Variants in PPFIA3 observed in about 807,000 individuals in gnomAD.
The protein encoded by PPFIA3 is PPFI scaffold protein A3.
PPFIA3 carries 26 observed loss-of-function variants against 145.8 expected under a neutral mutation model. That is an observed-to-expected ratio of 0.18 (90% CI 0.13 to 0.25). The LOEUF (loss-of-function observed/expected upper bound fraction) is 0.25. PPFIA3 is among the 10% of genes least tolerant of loss of function. The probability of loss-of-function intolerance (pLI) is 1.00; values close to 1 mark genes in which losing one functional copy is unlikely to be tolerated. For synonymous variants in PPFIA3, 645 were observed against 661.4 expected (o/e 0.98, Z 0.38); for missense variants, 1,008 against 1,587.8 (o/e 0.63, Z 6.21).
At chr19:49,146,911 T>C (rs1972655) in intron 23 of PPFIA3, among the ~76,000 whole-genome samples, 53,354 of 151,726 alleles carry the variant, frequency 0.35, 10,714 homozygotes, top group East Asian at 0.76. Context: ...GCCTGGGTGA[T>C]AGAGCCAGAT....
At chr19:49,135,967 G>A (rs1302839066) in intron 14 of PPFIA3, 44 bp downstream of exon 14, 17 of 1,520,830 alleles carry the variant, frequency 1.1e-5, no homozygotes, top group East Asian at 4.8e-5. Flanking sequence ...GGGCTTGGGC[G>A]GGCAGCTGTA....
At chr19:49,140,359 T>C (rs2041204669) in intron 18 of PPFIA3, among the ~76,000 whole-genome samples, 1 of 152,090 alleles carries the variant, frequency 6.6e-6, no homozygotes, top group Non-Finnish European at 1.5e-5. Flanking sequence ...TTTGTTGTTG[T>C]TGTTTTGAGA....
chr19:49,135,726 CTG>C, intron 13 of PPFIA3, 51 bp from the exon 14 acceptor site: 1 of 1,545,326 alleles, frequency 6.5e-7, no homozygotes, highest in Admixed American at 1.8e-5. Context: ...ACCCTTACCT[CTG>C]TGCTCTTTTC....
chr19:49,144,149 T>G (rs1327529076), intron 21 of PPFIA3, among the ~76,000 whole-genome samples: 1 of 151,976 alleles, frequency 6.6e-6, no homozygotes, highest in Non-Finnish European at 1.5e-5. Flanking sequence ...TAGCTGGGAT[T>G]ATAGGCGCCC....
chr19:49,134,259 T>C lies in PPFIA3; in HGVS notation c.1377+94T>C, dbSNP rs982105877. 3.4e-5 allele frequency: 51 copies of C among 1,485,804 alleles called. No individual in the cohort carries two copies. The African/African-American group carries it at 6.9e-4, about 20-fold the overall frequency. 92.0% of individuals were successfully genotyped at this position (1,485,804 alleles called of 1,614,324 possible). On this transcript the variant is annotated intron_variant, in intron 11 of 29. Coordinates refer to ENST00000334186, the MANE Select transcript of PPFIA3 (RefSeq NM_003660.4). Reference sequence around the variant, plus strand: ...CCAGGCCTTTCCCTCAGATCTGTTATCGGAGGCCTCCCTAAACCCCGGCAT... The same window carrying C: ...CCAGGCCTTTCCCTCAGATCTGTTACCGGAGGCCTCCCTAAACCCCGGCAT...
In PPFIA3 at chr19:49,128,889, G is replaced by A. The variant is rs775803129; in HGVS notation, c.384G>A (p.Glu128=). The change falls in exon 4 of 30, where the codon GAG becomes GAA. Residue 128 remains glutamate (E), a synonymous_variant. Transcript: ENST00000334186. The surrounding 1 kb of genome is among the most constrained non-coding windows in gnomAD (Gnocchi z 4.1). ...EHLECLVSRH[E]RSLRMTVVKR... ...TGGAGTGCCTGGTGTCCAGGCACGAGAGGTCACTGCGCATGACCGTGGTGA... is the reference window on the plus strand; with the variant it reads ...TGGAGTGCCTGGTGTCCAGGCACGAAAGGTCACTGCGCATGACCGTGGTGA... 1.9e-6 allele frequency: 3 copies of A among 1,612,996 alleles called. No individual in the cohort carries two copies. In the African/African-American group the frequency reaches 4.0e-5, roughly 22 times the overall value.
At chr19:49,143,646 T>C (rs1254220814) in intron 21 of PPFIA3, among the ~76,000 whole-genome samples, 2 of 152,202 alleles carry the variant, frequency 1.3e-5, no homozygotes, top group East Asian at 3.8e-4. Flanking sequence ...GTGTTGAGAT[T>C]ACAGGCGTGA....
At chr19:49,126,033 C>T (rs891899347) in intron 1 of PPFIA3, among the ~76,000 whole-genome samples, 1 of 152,142 alleles carries the variant, frequency 6.6e-6, no homozygotes, top group Admixed American at 6.5e-5. Flanking sequence ...TCACCGCAAC[C>T]TCTGCCTCCC....
rs35298280 is a variant in PPFIA3 at position 49,128,973 on chromosome 19, A to G, written c.468A>G (p.Leu156=). 44,143 of 1,612,268 alleles carry G rather than the reference A, an allele frequency of 0.027. 1,231 individuals are homozygous for G. Among genetic ancestry groups the G allele is most frequent in the Admixed American group, 0.13 (7,731 of 59,520 alleles). The change falls in exon 4 of 30, where the codon CTA becomes CTG. Residue 156 remains leucine (L), a synonymous_variant. Coordinates refer to ENST00000334186, the MANE Select transcript of PPFIA3 (RefSeq NM_003660.4). The surrounding 1 kb of genome is among the most constrained non-coding windows in gnomAD (Gnocchi z 4.1). The part of the protein sequence containing the change: ...VSSEVEVLKA[L]KSLFEHHKAL... ...CGGAGGTAGAAGTGCTCAAAGCTCT[A>G]AAGTCTCTCTTCGAGCACCACAAGG...
chr19:49,142,600 TCTCC>T (rs2041237005), intron 20 of PPFIA3, among the ~76,000 whole-genome samples, 200 bp from the exon 21 acceptor site: 1 of 108,672 alleles, frequency 9.2e-6, no homozygotes, highest in Non-Finnish European at 1.8e-5. Context: ...CCCCCGTTTC[TCTCC>T]CTATTTGTCT....
At chr19:49,137,225 A>T (rs1472445999) in intron 15 of PPFIA3, 2 of 258,056 alleles carry the variant, frequency 7.8e-6, no homozygotes, top group African/African-American at 4.4e-5. Context: ...TTGTGGTTTC[A>T]CATAACCAGT....
At position 49,130,683 on chromosome 19, in the gene PPFIA3, A is replaced by T. The variant is rs2041058934; in HGVS notation, c.879+84A>T. The T allele has an allele frequency of 1.7e-6, 2 of 1,200,852 alleles. No individual in the cohort carries two copies. The highest frequency in any genetic ancestry group is 2.3e-6 in the Non-Finnish European group (2 of 864,242). 74.4% of individuals were successfully genotyped at this position (1,200,852 alleles called of 1,614,324 possible). ...CTCGCGCATTGCTCATGAATGGCGG[A>T]ACCTCGATTCAGTCCACAGGCTGGG... On this transcript the variant is annotated intron_variant, in intron 7 of 29. Coordinates refer to ENST00000334186, the MANE Select transcript of PPFIA3 (RefSeq NM_003660.4). This position sits in a 1 kb window ranked among gnomAD's most constrained non-coding sequence, Gnocchi z 4.5.
intron 7 of PPFIA3, 23 bp from the exon 8 acceptor site, chr19:49,132,978 G>C (rs780569097): frequency 8.7e-6 from 14 of 1,605,044 alleles, no homozygotes; most frequent in South Asian, 5.6e-5. Flanking sequence ...CGCAGTCCAC[G>C]GGGCCCTTTG....
intron 7 of PPFIA3, among the ~76,000 whole-genome samples, chr19:49,132,207 G>A (rs1377440423): frequency 1.3e-5 from 2 of 151,232 alleles, no homozygotes; most frequent in African/African-American, 2.4e-5. Context: ...GGCCAACATC[G>A]TGAAACCCCC....
chr19:49,128,101 C>T lies in PPFIA3; in HGVS notation c.228C>T (p.Ile76=), dbSNP rs913447995. The change falls in exon 2 of 30, where the codon ATC becomes ATT. Residue 76 remains isoleucine (I), a synonymous_variant. Transcript: ENST00000334186. The surrounding 1 kb of genome is among the most constrained non-coding windows in gnomAD (Gnocchi z 4.1). ...EKDSLQRQLS[I]ALPQEFAALT... is the part of the protein sequence containing the mutation. Reference sequence around the variant, plus strand: ...ACTCGCTGCAGCGCCAGCTCAGCATCGCGCTGCCCCAGGTCTGGGCGGGAC... The same window carrying T: ...ACTCGCTGCAGCGCCAGCTCAGCATTGCGCTGCCCCAGGTCTGGGCGGGAC... 2 of 1,543,744 alleles carry T rather than the reference C, an allele frequency of 1.3e-6. No individual in the cohort carries two copies. Among genetic ancestry groups the T allele is most frequent in the African/African-American group, 2.7e-5 (2 of 73,270 alleles).
chr19:49,135,461 C>G (rs2041126880), intron 13 of PPFIA3, among the ~76,000 whole-genome samples: 1 of 152,328 alleles, frequency 6.6e-6, no homozygotes, highest in Non-Finnish European at 1.5e-5. Context: ...CAACCTCCGC[C>G]TCCCCGGTTC....
At chr19:49,141,767 AT>A (rs1173581121) in intron 19 of PPFIA3, among the ~76,000 whole-genome samples, 5 of 150,522 alleles carry the variant, frequency 3.3e-5, no homozygotes, top group South Asian at 2.1e-4. Flanking sequence ...TTTTTTAAAA[AT>A]TTTTTTTGTA....
chr19:49,130,417 C>G lies in PPFIA3; in HGVS notation c.697C>G (p.Arg233Gly), dbSNP rs565262868. 3 of 1,610,296 alleles carry G rather than the reference C, an allele frequency of 1.9e-6. No homozygotes were observed. The highest frequency in any genetic ancestry group is 2.5e-6 in the Non-Finnish European group (3 of 1,178,580). Reference sequence around the variant, plus strand: ...CCTGGGTCCTGGCGGGGATTCCAACCGGCGCACAGCAGAGCTGGAGGAGGC... The same window carrying G: ...CCTGGGTCCTGGCGGGGATTCCAACGGGCGCACAGCAGAGCTGGAGGAGGC... ...NGLGPGGDSNRRTAELEEALE... is the reference protein window; with the variant it reads ...NGLGPGGDSNGRTAELEEALE... The change falls in exon 7 of 30, where the codon CGG (arginine) becomes GGG (glycine). Residue 233 changes from arginine (R) to glycine (G), a missense_variant. Arg to Gly is a moderately radical substitution (Grantham distance 125). Around this residue, in one of 11 missense-constraint regions of PPFIA3, gnomAD observed 136 missense variants for 160.7 expected, o/e 0.85. Coordinates refer to ENST00000334186, the MANE Select transcript of PPFIA3 (RefSeq NM_003660.4). The surrounding 1 kb of genome is among the most constrained non-coding windows in gnomAD (Gnocchi z 4.5).
rs552123715 is a variant in PPFIA3 at position 49,140,605 on chromosome 19, C to A, written c.2368+517C>A. On this transcript the variant is annotated intron_variant, in intron 18 of 29. Transcript: ENST00000334186. ...ACCTCAGATGATCCACCCACCTCGG[C>A]CTCCCAAAGTGCTGGGATTACAGAC... Among the ~76,000 whole-genome samples, 7 of 146,216 alleles carry A rather than the reference C, an allele frequency of 4.8e-5. No individual in the cohort carries two copies. The East Asian group carries it at 1.4e-3, about 29-fold the overall frequency.
Sources: allele counts gnomAD v4.1 joint callset (sites outside exome capture counted in the v4.1 genomes callset), GRCh38; gene constraint gnomAD v4.1.1; regional missense constraint gnomAD v4.1.1; non-coding constraint Gnocchi (gnomAD v3.1); transcripts MANE v1.5; gene names NCBI Gene and HGNC (gene_info 2026-07-23, HGNC 2026-07-21).